Variants in CEACAM18 observed in about 807,000 individuals in gnomAD.
CEACAM18 encodes the protein cell adhesion molecule CEACAM18.
CEACAM18 carries 33 observed loss-of-function variants against 34.3 expected under a neutral mutation model. The observed-to-expected ratio is 0.96, with a 90% confidence interval of 0.73 to 1.29. CEACAM18 has a LOEUF of 1.29. Ranked by LOEUF, CEACAM18 falls within the 50% of genes most tolerant of loss-of-function variation. CEACAM18 has a pLI of 0.00. For synonymous variants in CEACAM18, 169 were observed against 180.9 expected, an observed-to-expected ratio of 0.93 and a Z score of 0.53; for missense variants, 474 against 485.0, an observed-to-expected ratio of 0.98 and a Z score of 0.21.
Position 51,485,829 on chromosome 19 carries a change from C to T in CEACAM18, c.1089+707C>T, listed in dbSNP as rs77287942. The stretch of plus-strand genomic sequence containing the variant: ...TCCTGTGCATTGTGGGACATTTAGC[C>T]GCATAACTGGCCTTTTTCCATTAGA... On this transcript the variant is annotated intron_variant, in intron 5 of 5. Coordinates refer to ENST00000396477, the Ensembl canonical transcript of CEACAM18. 2.1e-3 allele frequency among the ~76,000 whole-genome samples: 326 copies of T among 152,286 alleles called. 5 individuals carry two copies. The East Asian group carries it at 0.032, about 15-fold the overall frequency.
At chr19:51,490,763 C>T (rs1307735121) in exon 6 of CEACAM18, 2 of 533,200 alleles carry the variant, frequency 3.8e-6, no homozygotes, top group African/African-American at 2.0e-5. Flanking sequence ...CCCAGTCACA[C>T]GGAAGCCTGG....
At chr19:51,483,371 T>A (rs1469445496) in intron 4 of CEACAM18, 75 bp downstream of exon 4, 2 of 1,546,236 alleles carry the variant, frequency 1.3e-6, no homozygotes, top group South Asian at 2.3e-5. Context: ...GTGCCCACCC[T>A]CAGGAGTGCC....
chr19:51,483,532 T>C (rs1349005897), intron 4 of CEACAM18, among the ~76,000 whole-genome samples: 1 of 152,236 alleles, frequency 6.6e-6, no homozygotes, highest in African/African-American at 2.4e-5. Flanking sequence ...TAGCAGACAT[T>C]GGCTGAGCAC....
At chr19:51,487,762 G>A (rs548065061) in intron 5 of CEACAM18, among the ~76,000 whole-genome samples, 41 of 152,218 alleles carry the variant, frequency 2.7e-4, no homozygotes, top group African/African-American at 8.9e-4. Context: ...CAGCCTGGGC[G>A]ACAGTGCGAG....
chr19:51,483,358 G>A, intron 4 of CEACAM18, 62 bp downstream of exon 4: 1 of 1,597,258 alleles, frequency 6.3e-7, no homozygotes, highest in Non-Finnish European at 8.6e-7. Flanking sequence ...GCCCTGCTAG[G>A]CAGTGCCCAC....
At chr19:51,489,316 C>T (rs778933274) in intron 5 of CEACAM18, among the ~76,000 whole-genome samples, 21 of 151,634 alleles carry the variant, frequency 1.4e-4, no homozygotes, top group Non-Finnish European at 2.2e-4. Context: ...GATGAACAAA[C>T]TGCTTTCCCT....
At chr19:51,480,826 G>A in intron 2 of CEACAM18, 146 bp downstream of exon 2, 1 of 732,232 alleles carries the variant, frequency 1.4e-6, no homozygotes, top group Non-Finnish European at 2.2e-6. Context: ...CAGCTCCTGG[G>A]GGATCTGAGG....
intron 1 of CEACAM18, 39 bp downstream of exon 1, chr19:51,478,733 G>A (rs1438529630): frequency 1.5e-6 from 2 of 1,331,190 alleles, no homozygotes. Flanking sequence ...TCCCAGGACT[G>A]AGGGAAGGGC....
chr19:51,480,527 C>G (rs182394985), exon 2 of CEACAM18: 2 of 1,613,988 alleles, frequency 1.2e-6, no homozygotes, highest in Non-Finnish European at 1.7e-6. Context: ...CAGTGCCCAG[C>G]AGCCTGGGCC....
chr19:51,489,890 A>T (rs920450763), intron 5 of CEACAM18, among the ~76,000 whole-genome samples: 5 of 152,172 alleles, frequency 3.3e-5, no homozygotes, highest in African/African-American at 9.7e-5. Flanking sequence ...AAACTCAAGA[A>T]AGTTCAAGGG....
intron 3 of CEACAM18, 116 bp downstream of exon 3, chr19:51,481,781 AG>A: frequency 6.5e-5 from 70 of 1,083,072 alleles, no homozygotes; most frequent in South Asian, 3.0e-4. Flanking sequence ...GCCAGCCTGC[AG>A]CCAGCTCACT....
exon 3 of CEACAM18, chr19:51,481,458 G>A: frequency 6.2e-7 from 1 of 1,614,000 alleles, no homozygotes; most frequent in African/African-American, 1.3e-5. Flanking sequence ...GGATTCTGTG[G>A]CTGCTGACTG....
intron 4 of CEACAM18, among the ~76,000 whole-genome samples, chr19:51,483,754 C>T (rs886317070): frequency 6.6e-6 from 1 of 152,234 alleles, no homozygotes; most frequent in African/African-American, 2.4e-5. Context: ...CTGCTCCCTT[C>T]AGCTGCTTCA....
intron 3 of CEACAM18, 45 bp from the exon 4 acceptor site, chr19:51,482,972 G>T (rs755941450): frequency 6.3e-7 from 1 of 1,596,716 alleles, no homozygotes; most frequent in Non-Finnish European, 8.6e-7. Context: ...ACGGGACGCC[G>T]AGGGGTCAGA....
At chr19:51,479,702 T>G (rs1354516635) in intron 1 of CEACAM18, among the ~76,000 whole-genome samples, 1 of 151,648 alleles carries the variant, frequency 6.6e-6, no homozygotes, top group Non-Finnish European at 1.5e-5. Context: ...GCAAGGAGGG[T>G]GCAGATGGAG....
At chr19:51,483,141 C>G (rs1391953625) in exon 4 of CEACAM18, 2 of 1,614,072 alleles carry the variant, frequency 1.2e-6, no homozygotes, top group Non-Finnish European at 8.5e-7. Flanking sequence ...TCAAGTACCA[C>G]TGGATCCACA....
chr19:51,478,607 G>C, upstream of CEACAM18: 1 of 1,571,072 alleles, frequency 6.4e-7, no homozygotes. Context: ...TGTGTCTCTG[G>C]AGGGACCCCT....
rs1316118585 is a variant in CEACAM18 at position 51,483,067 on chromosome 19, A to G, written c.724A>G (p.Ile242Val). 3.7e-6 allele frequency: 6 copies of G among 1,613,900 alleles called. No individual in the cohort carries two copies. In the African/African-American group the frequency reaches 6.7e-5, roughly 18 times the overall value. ...GAGCAATCCTGATGATTTCAACGGCATTGTGACAGCTGAGATCGGCTCCCA... is the reference window on the plus strand; with the variant it reads ...GAGCAATCCTGATGATTTCAACGGCGTTGTGACAGCTGAGATCGGCTCCCA... The change falls in exon 4 of 6, where the codon ATT becomes GTT. Residue 242 changes from isoleucine to valine, a missense_variant. Transcript: ENST00000396477.
Position 51,478,675 on chromosome 19 carries a change from G to A in CEACAM18, c.33G>A (p.Trp11Ter). ...TTTCCAGACCCAGATGGAGCCTGTGGAGGAGGGTCTTCCTCATGGGTAAGA... is the reference window on the plus strand; with the variant it reads ...TTTCCAGACCCAGATGGAGCCTGTGAAGGAGGGTCTTCCTCATGGGTAAGA... The change falls in exon 1 of 6, where the codon TGG becomes TGA. Residue 11 changes from tryptophan (W) to a stop codon, truncating the protein, a stop_gained. Coordinates refer to ENST00000396477, the Ensembl canonical transcript of CEACAM18. LOFTEE classifies it high-confidence loss of function. 1 of 1,479,784 alleles carries A rather than the reference G, an allele frequency of 6.8e-7. No individual in the cohort carries two copies. The highest frequency in any genetic ancestry group is 9.0e-7 in the Non-Finnish European group (1 of 1,109,780). 91.7% of individuals were successfully genotyped at this position (1,479,784 alleles called of 1,614,324 possible).
Sources: gnomAD v4.1 joint callset for allele counts (sites outside exome capture counted in the v4.1 genomes callset) on GRCh38, gnomAD v4.1.1 for gene constraint, MANE v1.5 for transcripts, NCBI Gene and HGNC (gene_info 2026-07-23, HGNC 2026-07-21) for gene names.